The following CRLF2 variants were observed in gnomAD, a reference collection of about 807,000 sequenced individuals.
The protein encoded by CRLF2 is cytokine receptor like factor 2, also known as cytokine receptor-like factor 2.
A neutral mutation model predicts 38.7 loss-of-function variants in CRLF2; 41 were observed. That is an observed-to-expected ratio of 1.06 (90% CI 0.83 to 1.37). The LOEUF is 1.37. CRLF2 is among the 40% of genes most tolerant of loss of function. CRLF2 has a pLI of 0.00. For synonymous variants in CRLF2, 140 were observed against 128.8 expected (o/e 1.09, Z -0.59); for missense variants, 377 against 322.2 (o/e 1.17, Z -1.30).
intron 2 of CRLF2, among the ~76,000 whole-genome samples, chrX:1,207,953 C>T (rs1222855706): frequency 6.6e-6 from 1 of 152,124 alleles, no homozygotes; most frequent in African/African-American, 2.4e-5. Flanking sequence ...TTAAAATTTC[C>T]CTGTTCTGTA....
At chrX:1,209,092 C>T (rs1225844269) in intron 1 of CRLF2, among the ~76,000 whole-genome samples, 184 bp from the exon 2 acceptor site, 6 of 151,536 alleles carry the variant, frequency 4.0e-5, no homozygotes, top group African/African-American at 1.2e-4. Context: ...CTCAGCCTCC[C>T]GAGTAGCCGG....
intron 5 of CRLF2, among the ~76,000 whole-genome samples, chrX:1,197,200 C>G (rs1487990170): frequency 6.7e-6 from 1 of 149,914 alleles, no homozygotes; most frequent in Non-Finnish European, 1.5e-5. Context: ...TCAAGCGATT[C>G]TCCTGTCTCA....
intron 3 of CRLF2, among the ~76,000 whole-genome samples, chrX:1,203,982 C>T (rs1170455599): frequency 1.3e-5 from 2 of 151,566 alleles, no homozygotes; most frequent in Non-Finnish European, 2.9e-5. Context: ...ATTTTGGAAA[C>T]AGGGTTTCCC....
At chrX:1,195,564 C>T (rs2086459396) in intron 6 of CRLF2, among the ~76,000 whole-genome samples, 1 of 148,044 alleles carries the variant, frequency 6.8e-6, no homozygotes, top group Non-Finnish European at 1.5e-5. Flanking sequence ...CACGCTACTA[C>T]GCCCAGCTAA....
At chrX:1,197,287 TA>T (rs1226378075) in intron 5 of CRLF2, among the ~76,000 whole-genome samples, 41 of 129,044 alleles carry the variant, frequency 3.2e-4, no homozygotes, top group African/African-American at 1.1e-3. Context: ...GAGATGGACC[TA>T]TTTTTTTTTT....
intron 4 of CRLF2, among the ~76,000 whole-genome samples, chrX:1,201,221 A>G (rs2086598350): frequency 6.6e-6 from 1 of 152,098 alleles, no homozygotes. Flanking sequence ...ACCGTGGTAC[A>G]TGCAGTCTGC....
At chrX:1,197,015 T>C in intron 5 of CRLF2, 115 bp from the exon 6 acceptor site, 1 of 890,878 alleles carries the variant, frequency 1.1e-6, no homozygotes, top group Non-Finnish European at 1.6e-6. Context: ...TGGTGTTCGT[T>C]TTTTTTTCTT....
At chrX:1,197,213 C>G (rs1370267373) in intron 5 of CRLF2, among the ~76,000 whole-genome samples, 2 of 151,250 alleles carry the variant, frequency 1.3e-5, no homozygotes, top group Non-Finnish European at 2.9e-5. Flanking sequence ...CTGTCTCAGC[C>G]TCCCGAGCAG....
chrX:1,195,992 AT>A (rs1212652662), intron 6 of CRLF2, among the ~76,000 whole-genome samples: 2 of 141,250 alleles, frequency 1.4e-5, no homozygotes, highest in Non-Finnish European at 3.0e-5. Context: ...ATTTTTATAT[AT>A]TTATATATAT....
intron 3 of CRLF2, among the ~76,000 whole-genome samples, chrX:1,203,519 T>A (rs1441166946): frequency 5.9e-5 from 9 of 151,714 alleles, no homozygotes; most frequent in Non-Finnish European, 8.8e-5. Flanking sequence ...TGAGGTGAGA[T>A]CATCCTGGAG....
Position 1,198,678 on chromosome X carries a change from G to A in CRLF2, c.530C>T (p.Ala177Val). 2 of 1,612,514 alleles carry A rather than the reference G, an allele frequency of 1.2e-6. No homozygotes were observed. The highest frequency in any genetic ancestry group is 1.7e-5 in the Admixed American group (1 of 59,824). Residue 177 changes from alanine to valine, a missense_variant, in exon 5 of 8, where the codon GCC becomes GTC. Transcript: ENST00000400841. Reference protein sequence around the residue: ...TCNVTIEGLDAEKCYSFWVRV... With the variant: ...TCNVTIEGLDVEKCYSFWVRV... Reference sequence around the variant, plus strand: ...GACCCAGAAAGAGTAACACTTCTCGGCATCCAAGCCTTCTATGGTGACGTT... The same window carrying A: ...GACCCAGAAAGAGTAACACTTCTCGACATCCAAGCCTTCTATGGTGACGTT...
At chrX:1,191,295 C>CTCTTGCTTTCCTTCTTTCTT (rs2086369004) in intron 7 of CRLF2, 135 bp from the exon 8 acceptor site, 1 of 318,742 alleles carries the variant, frequency 3.1e-6, no homozygotes. Flanking sequence ...CTTTTCTTTT[C>CTCTTGCTTTCCTTCTTTCTT]TCTTTCTTTC....
At chrX:1,202,256 A>T in intron 4 of CRLF2, 146 bp downstream of exon 4, 2 of 906,340 alleles carry the variant, frequency 2.2e-6, no homozygotes, top group Non-Finnish European at 3.3e-6. Flanking sequence ...AAGCTGGACT[A>T]GAGCTCTCTC....
intron 4 of CRLF2, among the ~76,000 whole-genome samples, chrX:1,200,859 ATG>A (rs1343410675): frequency 2.2e-5 from 1 of 45,536 alleles, no homozygotes; most frequent in Non-Finnish European, 4.9e-5. Flanking sequence ...GTGTGTGTAT[ATG>A]TGTGTGTGTA....
chrX:1,207,008 C>G (rs1222232083), intron 2 of CRLF2, among the ~76,000 whole-genome samples: 2 of 146,402 alleles, frequency 1.4e-5, no homozygotes, highest in Non-Finnish European at 3.0e-5. Flanking sequence ...TGCAGTGGCA[C>G]GATCTCGGCT....
chrX:1,209,251 G>C (rs1265556089), intron 1 of CRLF2, among the ~76,000 whole-genome samples: 1 of 151,308 alleles, frequency 6.6e-6, no homozygotes. Context: ...ACAGGCGTGA[G>C]CCACCGCGCC....
At chrX:1,193,963 A>G (rs1375136421) in intron 6 of CRLF2, among the ~76,000 whole-genome samples, 195 of 151,322 alleles carry the variant, frequency 1.3e-3, no homozygotes, top group Non-Finnish European at 2.4e-3. Context: ...TCCGTCTCAA[A>G]AAAATACAAA....
At chrX:1,198,952 C>T in intron 4 of CRLF2, 1 of 574,944 alleles carries the variant, frequency 1.7e-6, no homozygotes, top group Non-Finnish European at 3.1e-6. Flanking sequence ...AGTTCGAGAC[C>T]AGCCTGGCCA....
chrX:1,196,407 C>T (rs1215949668), intron 6 of CRLF2, among the ~76,000 whole-genome samples: 3 of 151,926 alleles, frequency 2.0e-5, no homozygotes, highest in African/African-American at 7.2e-5. Flanking sequence ...AGGATGGTCT[C>T]GATCTCTTGA....
Sources: gnomAD v4.1 joint callset for allele counts (sites outside exome capture counted in the v4.1 genomes callset) on GRCh38, gnomAD v4.1.1 for gene constraint, MANE v1.5 for transcripts, NCBI Gene and HGNC (gene_info 2026-07-23, HGNC 2026-07-21) for gene names.